OCA2: variants seen among roughly 807,000 people sequenced by gnomAD.
OCA2 encodes the protein P protein.
A neutral mutation model predicts 100.2 loss-of-function variants in OCA2; 77 were observed. The observed-to-expected ratio is 0.77, with a 90% CI of 0.64 to 0.93. The LOEUF is 0.93. OCA2 is among the 40% of genes least tolerant of loss of function. The pLI is 0.00. For synonymous variants in OCA2, 432 were observed against 439.2 expected, an observed-to-expected ratio of 0.98 and a Z score of 0.21; for missense variants, 1,062 against 1,089.1, an observed-to-expected ratio of 0.98 and a Z score of 0.35.
At chr15:28,006,171 G>A (rs934762418) in intron 9 of OCA2, among the ~76,000 whole-genome samples, 3 of 152,150 alleles carry the variant, frequency 2.0e-5, no homozygotes, top group Non-Finnish European at 4.4e-5. Flanking sequence ...CGTTAGCTCC[G>A]GTGGTTATCA....
chr15:28,070,041 C>T, intron 2 of OCA2, among the ~76,000 whole-genome samples: 1 of 110,988 alleles, frequency 9.0e-6, no homozygotes, highest in Non-Finnish European at 1.6e-5. Flanking sequence ...GTGGGGAGCG[C>T]CTCTGCCCCG....
intron 2 of OCA2, among the ~76,000 whole-genome samples, chr15:28,045,136 T>C (rs1282274811): frequency 6.6e-6 from 1 of 152,210 alleles, no homozygotes; most frequent in African/African-American, 2.4e-5. Context: ...TTATTTTGCA[T>C]TAATTATTTT....
intron 2 of OCA2, among the ~76,000 whole-genome samples, chr15:28,058,326 T>C (rs2043768241): frequency 6.6e-6 from 1 of 152,226 alleles, no homozygotes. Flanking sequence ...TACCGCCTCT[T>C]CCGTCTGCAA....
At chr15:28,095,365 G>T (rs1447016007) in intron 1 of OCA2, among the ~76,000 whole-genome samples, 1 of 152,192 alleles carries the variant, frequency 6.6e-6, no homozygotes, top group Admixed American at 6.5e-5. Flanking sequence ...GGCGCCGCAC[G>T]CCGACTTCAC....
rs533040712 is a variant in OCA2, at chr15:28,091,875, A to C, written c.-22+7349T>G. ...GGAGGCTGAAGCAGGAGAATCATTT[A>C]AATCCAGGAGGCGGAGGTTGGAGTG... On this transcript the variant is annotated intron_variant, in intron 1 of 23. Coordinates refer to ENST00000354638, the MANE Select transcript of OCA2 (RefSeq NM_000275.3). Among the ~76,000 whole-genome samples the C allele has an allele frequency of 5.9e-5, 9 of 152,258 alleles. No individual in the cohort carries two copies. In the South Asian group the frequency reaches 1.9e-3, roughly 32 times the overall value.
At chr15:27,955,270 T>TCTCAC in intron 16 of OCA2, 55 bp from the exon 17 acceptor site, 1 of 1,291,056 alleles carries the variant, frequency 7.7e-7, no homozygotes, top group Non-Finnish European at 1.1e-6. Context: ...CGTGGTGAGA[T>TCTCAC]CGCGGAGCAG....
chr15:27,964,938 G>A (rs1282642415), intron 15 of OCA2, among the ~76,000 whole-genome samples: 1 of 152,166 alleles, frequency 6.6e-6, no homozygotes, highest in Non-Finnish European at 1.5e-5. Context: ...TCCTTACTCA[G>A]GAACGGTGAG....
downstream of OCA2, among the ~76,000 whole-genome samples, chr15:27,753,458 G>A (rs530182196): frequency 6.6e-6 from 1 of 152,270 alleles, no homozygotes; most frequent in Non-Finnish European, 1.5e-5. Context: ...GATGGGCCGG[G>A]CACGGTGGCT....
the OCA2 span, among the ~76,000 whole-genome samples, chr15:27,732,542 A>G: frequency 1.3e-5 from 2 of 152,198 alleles, no homozygotes; most frequent in South Asian, 4.1e-4. Flanking sequence ...AGTCCCCTGC[A>G]TTCAAGGGAA....
the OCA2 span, among the ~76,000 whole-genome samples, chr15:27,745,072 G>A: frequency 2.0e-5 from 3 of 152,290 alleles, no homozygotes; most frequent in Middle Eastern, 3.4e-3. Flanking sequence ...TCCCGATCCC[G>A]ACCCCCAGAG....
chr15:28,011,875 C>T (rs930677152), intron 9 of OCA2, among the ~76,000 whole-genome samples: 2 of 150,746 alleles, frequency 1.3e-5, no homozygotes, highest in African/African-American at 4.9e-5. Flanking sequence ...CGAGATTGGA[C>T]CATTGCACTC....
chr15:27,943,746 G>A (rs190774802), intron 18 of OCA2, among the ~76,000 whole-genome samples: 1 of 150,438 alleles, frequency 6.6e-6, no homozygotes, highest in Non-Finnish European at 1.5e-5. Context: ...TATTGATTCT[G>A]GGACTTTAGA....
chr15:28,056,106 C>T (rs939222694), intron 2 of OCA2, among the ~76,000 whole-genome samples: 8 of 152,126 alleles, frequency 5.3e-5, no homozygotes, highest in African/African-American at 1.9e-4. Context: ...GGCCACCTTG[C>T]TGTACAAGTG....
chr15:27,764,890 C>T (rs914913237), intron 23 of OCA2, among the ~76,000 whole-genome samples: 50 of 152,144 alleles, frequency 3.3e-4, no homozygotes, highest in African/African-American at 1.1e-3. Flanking sequence ...ATGGCTAGTC[C>T]ATAGGCAGAG....
intron 23 of OCA2, among the ~76,000 whole-genome samples, chr15:27,778,659 G>A (rs1028613231): frequency 1.3e-5 from 2 of 152,136 alleles, no homozygotes; most frequent in Non-Finnish European, 2.9e-5. Context: ...AAAAGTTGTG[G>A]AAATTTCCCA....
chr15:27,984,621 C>T (rs866623817), intron 13 of OCA2, among the ~76,000 whole-genome samples: 7 of 152,156 alleles, frequency 4.6e-5, no homozygotes, highest in Middle Eastern at 3.4e-3. Flanking sequence ...AGTGTGGTGG[C>T]GCAATCTCAG....
At chr15:27,797,143 G>C (rs1280718946) in intron 23 of OCA2, among the ~76,000 whole-genome samples, 1 of 152,212 alleles carries the variant, frequency 6.6e-6, no homozygotes, top group African/African-American at 2.4e-5. Flanking sequence ...TTGAGGAGCA[G>C]CTGCTGGTGA....
the OCA2 span, among the ~76,000 whole-genome samples, chr15:27,746,452 C>T: frequency 7.4e-6 from 1 of 135,850 alleles, no homozygotes; most frequent in African/African-American, 2.9e-5. Context: ...CAGAGCAAGA[C>T]TCTGTATTAA....
At chr15:27,813,610 C>G (rs1394819671) in intron 23 of OCA2, among the ~76,000 whole-genome samples, 1 of 152,156 alleles carries the variant, frequency 6.6e-6, no homozygotes, top group Non-Finnish European at 1.5e-5. Flanking sequence ...CTTTCATCTC[C>G]ATTCAAGGCT....
Sources: gnomAD v4.1 joint callset for allele counts (sites outside exome capture counted in the v4.1 genomes callset) on GRCh38, gnomAD v4.1.1 for gene constraint, MANE v1.5 for transcripts, NCBI Gene and HGNC (gene_info 2026-07-23, HGNC 2026-07-21) for gene names.